Variants in ABCA9 observed in about 807,000 individuals in gnomAD.
ABCA9 encodes ATP binding cassette subfamily A member 9, also known as ATP-binding cassette sub-family A member 9.
In ABCA9, 183 loss-of-function variants were observed where a neutral mutation model predicts 205.3. The ratio of observed to expected loss-of-function variants is 0.89; its 90% CI spans 0.79 to 1.01. The LOEUF (loss-of-function observed/expected upper bound fraction) is 1.01. ABCA9 is among the 50% of genes least tolerant of loss of function. The pLI is 0.00. For missense variants in ABCA9, 1,805 were observed against 1,912.4 expected, an observed-to-expected ratio of 0.94 and a Z score of 1.05; for synonymous variants, 651 against 683.3, an observed-to-expected ratio of 0.95 and a Z score of 0.74.
chr17:69,050,341 C>T (rs932154308), intron 2 of ABCA9, among the ~76,000 whole-genome samples: 9 of 61,446 alleles, frequency 1.5e-4, no homozygotes, highest in East Asian at 2.3e-3. Context: ...CACACACACA[C>T]GAACACACAC....
intron 18 of ABCA9, 64 bp downstream of exon 18, chr17:69,021,678 G>GTGCT: frequency 1.1e-5 from 12 of 1,048,348 alleles, no homozygotes; most frequent in African/African-American, 6.9e-5. Flanking sequence ...TCTTTCTTTC[G>GTGCT]TCCTTCCTTC....
rs116907781 is a variant in ABCA9, at chr17:69,023,788, A to G, written c.2281+426T>C. Among the ~76,000 whole-genome samples the G allele has an allele frequency of 0.019, 2,900 of 152,194 alleles. 51 individuals are homozygous for G. The highest frequency in any genetic ancestry group is 0.037 in the Middle Eastern group (11 of 294). On this transcript the variant is annotated intron_variant, in intron 17 of 38. Transcript: ENST00000340001. This position sits in a 1 kb window ranked among gnomAD's most constrained non-coding sequence, Gnocchi z 4.2. Reference sequence around the variant, plus strand: ...CAAGTTATGTTCAATAACTTGGATTATATCAGTATGTGCTGGTGTTTCTAA... The same window carrying G: ...CAAGTTATGTTCAATAACTTGGATTGTATCAGTATGTGCTGGTGTTTCTAA...
Position 69,008,085 on chromosome 17 carries a change from T to A in ABCA9, c.3298A>T (p.Ile1100Leu). The A allele has an allele frequency of 6.2e-7, 1 of 1,608,726 alleles. No homozygotes were observed. The highest frequency in any genetic ancestry group is 8.5e-7 in the Non-Finnish European group (1 of 1,177,786). ...ACTTGAATTAACAGGTTTTGAATTA[T>A]AAATATAATCTCCTCTGGGCTAAAA... Reference protein sequence around the residue: ...YIFSPEEIIFIIQNLLIQILC... With the variant: ...YIFSPEEIIFLIQNLLIQILC... The change falls in exon 24 of 39, where the codon ATA (isoleucine) becomes TTA (leucine). Residue 1100 changes from isoleucine (I) to leucine (L), a missense_variant. By Grantham distance (5) the Ile-to-Leu change is conservative. Coordinates refer to ENST00000340001, the MANE Select transcript of ABCA9 (RefSeq NM_080283.4).
At chr17:69,068,872 T>A in the ABCA9 span, among the ~76,000 whole-genome samples, 2 of 152,170 alleles carry the variant, frequency 1.3e-5, no homozygotes, top group Admixed American at 6.5e-5. Flanking sequence ...ACAACTCAAG[T>A]ATCAAACAGC....
Position 68,986,326 on chromosome 17 carries a change from T to C in ABCA9, c.4048-2A>G. 6.2e-7 allele frequency: 1 copy of C among 1,603,074 alleles called. No individual in the cohort carries two copies. On this transcript the variant is annotated splice_acceptor_variant, in intron 31 of 38. Coordinates refer to ENST00000340001, the MANE Select transcript of ABCA9 (RefSeq NM_080283.4). LOFTEE classifies it high-confidence loss of function. ...TCCACCGCTCCCTTTCAAAATCACC[T>C]ATGCAAAATAAGTTCATTCTTAGAT...
intron 3 of ABCA9, 70 bp from the exon 4 acceptor site, chr17:69,045,406 T>G (rs772385044): frequency 4.9e-6 from 7 of 1,428,604 alleles, no homozygotes; most frequent in Non-Finnish European, 5.6e-6. Context: ...TCAATTATGT[T>G]GAGGTTATTT....
At chr17:69,035,597 A>C (rs1480943335) in intron 7 of ABCA9, 63 bp downstream of exon 7, 16 of 1,577,286 alleles carry the variant, frequency 1.0e-5, no homozygotes, top group Non-Finnish European at 1.3e-5. Context: ...AATTAGTGAT[A>C]AATTATTGGC....
upstream of ABCA9, among the ~76,000 whole-genome samples, chr17:69,063,610 T>G (rs544131474): frequency 1.5e-4 from 21 of 143,924 alleles, no homozygotes; most frequent in African/African-American, 3.9e-4. Context: ...TTTGTGTTTG[T>G]TTTTTTTTGT....
Position 69,033,926 on chromosome 17 carries a change from T to G in ABCA9, c.1129-53A>C, listed in dbSNP as rs1444531080. The G allele has an allele frequency of 8.7e-6, 12 of 1,382,732 alleles. No individual in the cohort carries two copies. In the Admixed American group the frequency reaches 2.0e-4, roughly 23 times the overall value. The allele number at this position is 1,382,732 out of a possible 1,614,324, so 85.7% of individuals were successfully genotyped here. ...AAAAGAATTAATATGGCATTAAGAA[T>G]TATTATTGTTTTATTTCTGCTACAA... On this transcript the variant is annotated intron_variant, in intron 8 of 38. Coordinates refer to ENST00000340001, the MANE Select transcript of ABCA9 (RefSeq NM_080283.4).
At position 69,045,202 on chromosome 17, in the gene ABCA9, G is replaced by A; in HGVS notation, c.439C>T (p.Pro147Ser). The A allele has an allele frequency of 1.2e-6, 2 of 1,612,502 alleles. No individual in the cohort carries two copies. Among genetic ancestry groups the A allele is most frequent in the Non-Finnish European group, 1.7e-6 (2 of 1,179,408 alleles). The change falls in exon 4 of 39, where the codon CCC becomes TCC. Residue 147 changes from proline (P) to serine (S), a missense_variant. Pro to Ser is a moderately conservative substitution (Grantham distance 74, BLOSUM62 -1). Coordinates refer to ENST00000340001, the MANE Select transcript of ABCA9 (RefSeq NM_080283.4). ...HLKFSWGHRI[P>S]MMKEHRDHSA... ...TGGTCTCTGTGCTCTTTCATCATGGGGATTCTATGTCCCCAAGAAAACTTC... is the reference window on the plus strand; with the variant it reads ...TGGTCTCTGTGCTCTTTCATCATGGAGATTCTATGTCCCCAAGAAAACTTC...
chr17:68,981,348 G>A (rs1426990751), intron 37 of ABCA9, among the ~76,000 whole-genome samples: 3 of 151,664 alleles, frequency 2.0e-5, no homozygotes, highest in Non-Finnish European at 4.4e-5. Flanking sequence ...AAAAAAGAAA[G>A]CAGAAACATG....
At chr17:68,977,972 G>C (rs2068935179) in intron 37 of ABCA9, among the ~76,000 whole-genome samples, 2 of 152,184 alleles carry the variant, frequency 1.3e-5, no homozygotes, top group South Asian at 4.1e-4. Context: ...GAGTTCTGTA[G>C]ATGTCTATTA....
intron 25 of ABCA9, among the ~76,000 whole-genome samples, chr17:69,006,039 T>TA (rs2070114446): frequency 6.6e-6 from 1 of 152,330 alleles, no homozygotes; most frequent in Non-Finnish European, 1.5e-5. Flanking sequence ...GTGTTTATTT[T>TA]AACAAACATA....
chr17:69,042,694 T>C (rs1416441658), intron 6 of ABCA9: 1 of 152,238 alleles, frequency 6.6e-6, no homozygotes, highest in Admixed American at 6.5e-5. Flanking sequence ...TTGGCAAACA[T>C]CTACAGGATA....
chr17:69,045,359 G>T (rs1443838534), intron 3 of ABCA9, 23 bp from the exon 4 acceptor site: 3 of 1,591,656 alleles, frequency 1.9e-6, no homozygotes, highest in Admixed American at 3.4e-5. Context: ...GAAAACAAAA[G>T]AAATAGTTAA....
chr17:68,996,260 ACT>A (rs1243639970), intron 25 of ABCA9, among the ~76,000 whole-genome samples: 2 of 152,096 alleles, frequency 1.3e-5, no homozygotes, highest in African/African-American at 4.8e-5. Flanking sequence ...ATCAGGTGAG[ACT>A]CTTGCTAAAA....
intron 6 of ABCA9, among the ~76,000 whole-genome samples, chr17:69,041,352 C>T (rs2071529595): frequency 6.6e-6 from 1 of 152,078 alleles, no homozygotes; most frequent in South Asian, 2.1e-4. Flanking sequence ...TCCTTTCTCA[C>T]TGGATTATTA....
intron 28 of ABCA9, among the ~76,000 whole-genome samples, chr17:68,991,256 A>T (rs931659636): frequency 3.3e-5 from 5 of 152,200 alleles, no homozygotes; most frequent in Non-Finnish European, 7.4e-5. Context: ...ATTGTGAAGC[A>T]GAGTTGCATG....
intron 6 of ABCA9, among the ~76,000 whole-genome samples, chr17:69,038,779 C>T (rs1411443920): frequency 1.3e-5 from 2 of 152,154 alleles, no homozygotes; most frequent in Non-Finnish European, 2.9e-5. Flanking sequence ...GTCAAATTGT[C>T]TCTGTTTGCA....
Sources: gnomAD v4.1 joint callset for allele counts (sites outside exome capture counted in the v4.1 genomes callset) on GRCh38, gnomAD v4.1.1 for gene constraint, Gnocchi (gnomAD v3.1) non-coding constraint, MANE v1.5 for transcripts, NCBI Gene and HGNC (gene_info 2026-07-23, HGNC 2026-07-21) for gene names.